ATG13: variants seen among roughly 807,000 people sequenced by gnomAD.
ATG13 encodes autophagy related 13.
In ATG13, 23 loss-of-function variants were observed where a neutral mutation model predicts 65.5. The observed-to-expected ratio is 0.35, with a 90% CI of 0.25 to 0.50. ATG13 has a LOEUF of 0.50. ATG13 is among the 20% of genes least tolerant of loss of function. The pLI is 0.98. For missense variants in ATG13, 566 were observed against 677.0 expected (o/e 0.84, Z 1.82); for synonymous variants, 252 against 245.2 (o/e 1.03, Z -0.26).
intron 2 of ATG13, among the ~76,000 whole-genome samples, chr11:46,639,365 T>C (rs2055100438): frequency 1.3e-5 from 2 of 152,152 alleles, no homozygotes; most frequent in Non-Finnish European, 2.9e-5. Flanking sequence ...CCAATTGTCA[T>C]AGTGGTTATT....
At chr11:46,638,130 G>A (rs2054622569) in intron 2 of ATG13, among the ~76,000 whole-genome samples, 2 of 152,194 alleles carry the variant, frequency 1.3e-5, no homozygotes, top group South Asian at 4.2e-4. Context: ...TCTTTGTGAT[G>A]AGAACATTTA....
rs536060221 is a variant in ATG13, at chr11:46,663,048, G to A, written c.790-949G>A. Among the ~76,000 whole-genome samples the A allele has an allele frequency of 1.2e-3, 189 of 152,104 alleles. 1 individual carries two copies. Among genetic ancestry groups the A allele is most frequent in the Admixed American group, 5.2e-4 (8 of 15,276 alleles). On this transcript the variant is annotated intron_variant, in intron 11 of 18. Coordinates refer to ENST00000683050, the MANE Select transcript of ATG13 (RefSeq NM_001346311.2). ...TGGGAGGCCGAGGTGGGCGGATCAC[G>A]AGGTCAGGAGATCGAGACCATCCTG...
chr11:46,650,097 C>A, intron 6 of ATG13, 80 bp from the exon 7 acceptor site: 1 of 1,488,026 alleles, frequency 6.7e-7, no homozygotes, highest in African/African-American at 1.4e-5. Context: ...TTAGTCAGAA[C>A]ATGTCTTAAT....
At chr11:46,647,367 T>G (rs2057896227) in intron 5 of ATG13, among the ~76,000 whole-genome samples, 1 of 145,826 alleles carries the variant, frequency 6.9e-6, no homozygotes, top group Non-Finnish European at 1.5e-5. Flanking sequence ...AACCTCCGCC[T>G]CCCAGGTTCA....
At chr11:46,663,939 C>G in intron 11 of ATG13, 58 bp from the exon 12 acceptor site, 1 of 1,183,742 alleles carries the variant, frequency 8.4e-7, no homozygotes, top group South Asian at 1.4e-5. Context: ...TTCTCAAGTC[C>G]CTTTTCTTTT....
chr11:46,656,912 C>CACACGT, intron 8 of ATG13, 183 bp from the exon 9 acceptor site: 2 of 593,592 alleles, frequency 3.4e-6, no homozygotes, highest in Non-Finnish European at 6.0e-6. Context: ...TATATATACA[C>CACACGT]ACACATACAC....
In ATG13 at chr11:46,672,947, A is replaced by C; in HGVS notation, c.*615A>C. ...AGATCAGAACTCCAAAACCACTCCC[A>C]CCCCTGAAGGTCGGGAGGGTCTGAG... is the stretch of plus-strand genomic sequence containing the variant. On this transcript the variant is annotated 3_prime_UTR_variant, in exon 19 of 19. Transcript: ENST00000683050. The C allele has an allele frequency of 7.2e-6, 4 of 553,346 alleles. No individual in the cohort carries two copies. Among genetic ancestry groups the C allele is most frequent in the South Asian group, 2.1e-5 (1 of 46,978 alleles). The allele number at this position is 553,346 out of a possible 1,614,324, so 34.3% of individuals were successfully genotyped here. A position where few individuals can be genotyped will look rare whatever the true frequency, so the allele number is the denominator to read the frequency against.
At chr11:46,665,282 T>G in intron 13 of ATG13, 101 bp from the exon 14 acceptor site, 1 of 1,437,800 alleles carries the variant, frequency 7.0e-7, no homozygotes, top group South Asian at 1.3e-5. Context: ...GCAGCGTTGG[T>G]GATGGAAAAG....
rs767387043 is a variant in ATG13, at chr11:46,645,911, A to G, written c.192A>G (p.Glu64=). The change falls in exon 5 of 19, where the codon GAA becomes GAG. Residue 64 remains glutamate, a synonymous_variant. Coordinates refer to ENST00000683050, the MANE Select transcript of ATG13 (RefSeq NM_001346311.2). ...AAGACATCCCAGAGGTTACACATGAAGCAAAGAAGGCACTGGCAGGACAGC... is the reference window on the plus strand; with the variant it reads ...AAGACATCCCAGAGGTTACACATGAGGCAAAGAAGGCACTGGCAGGACAGC... ...AIKDIPEVTH[E]AKKALAGQLP... 2.5e-6 allele frequency: 4 copies of G among 1,614,102 alleles called. No individual in the cohort carries two copies. In the African/African-American group the frequency reaches 5.3e-5, roughly 22 times the overall value.
chr11:46,633,002 A>AAAAAAT (rs2052396257), intron 2 of ATG13, among the ~76,000 whole-genome samples: 1 of 110,960 alleles, frequency 9.0e-6, no homozygotes, highest in African/African-American at 4.7e-5. Context: ...CATTAAAAAA[A>AAAAAAT]AATATATATA....
At chr11:46,642,232 T>C (rs1242210133) in intron 2 of ATG13, among the ~76,000 whole-genome samples, 1 of 151,974 alleles carries the variant, frequency 6.6e-6, no homozygotes, top group African/African-American at 2.4e-5. Flanking sequence ...AAAACTCTGC[T>C]ACTCCTTTGT....
At chr11:46,655,179 C>G (rs2059780101) in intron 7 of ATG13, among the ~76,000 whole-genome samples, 1 of 152,012 alleles carries the variant, frequency 6.6e-6, no homozygotes, top group Non-Finnish European at 1.5e-5. Flanking sequence ...ACGGGCGGAT[C>G]ACGAGATCAG....
At chr11:46,665,007 C>A in intron 13 of ATG13, 48 bp downstream of exon 13, 2 of 1,533,174 alleles carry the variant, frequency 1.3e-6, no homozygotes, top group Middle Eastern at 3.4e-4. Context: ...GCTGCCTCCC[C>A]TGCCCGGAGG....
chr11:46,642,620 A>G (rs1331527865), intron 2 of ATG13, among the ~76,000 whole-genome samples: 3 of 152,092 alleles, frequency 2.0e-5, no homozygotes, highest in Non-Finnish European at 2.9e-5. Flanking sequence ...CTTTTCCTTT[A>G]AAATATCACC....
chr11:46,631,456 C>A (rs1454871045), intron 2 of ATG13, among the ~76,000 whole-genome samples: 1 of 152,196 alleles, frequency 6.6e-6, no homozygotes, highest in Non-Finnish European at 1.5e-5. Flanking sequence ...TCATTATTAT[C>A]TTTTGCACTT....
In ATG13 at chr11:46,664,945, A is replaced by G. The variant is rs1219142087; in HGVS notation, c.985A>G (p.Thr329Ala). 1.2e-6 allele frequency: 2 copies of G among 1,613,524 alleles called. No homozygotes were observed. Among genetic ancestry groups the G allele is most frequent in the African/African-American group, 2.7e-5 (2 of 74,904 alleles). ...PVVFAAGLNA[T>A]HPHQLMVPGK... ...AGTGTTTGCTGCTGGCTTAAATGCT[A>G]CACACCCTCACCAGGTATCTTTAAA... The change falls in exon 13 of 19, where the codon ACA becomes GCA. Residue 329 changes from threonine (T) to alanine (A), a missense_variant. Physicochemically the swap from Thr to Ala is moderately conservative, Grantham distance 58. Transcript: ENST00000683050.
chr11:46,626,274 G>A (rs984030561), intron 1 of ATG13, among the ~76,000 whole-genome samples: 1 of 149,452 alleles, frequency 6.7e-6, no homozygotes, highest in African/African-American at 2.5e-5. Flanking sequence ...TTTTGAGACG[G>A]GAGTTTCACT....
chr11:46,668,444 G>C (rs2062894375), intron 15 of ATG13, 55 bp from the exon 16 acceptor site: 2 of 1,559,008 alleles, frequency 1.3e-6, no homozygotes, highest in African/African-American at 1.4e-5. Flanking sequence ...CAGGAAGGAA[G>C]CATGAACACT....
At chr11:46,658,406 C>G (rs1450622492) in intron 10 of ATG13, among the ~76,000 whole-genome samples, 1 of 152,166 alleles carries the variant, frequency 6.6e-6, no homozygotes, top group Non-Finnish European at 1.5e-5. Flanking sequence ...TAAGAAAATG[C>G]TCTCTCAGAC....
Sources: gnomAD v4.1 joint callset for allele counts (sites outside exome capture counted in the v4.1 genomes callset) on GRCh38, gnomAD v4.1.1 for gene constraint, MANE v1.5 for transcripts, NCBI Gene and HGNC (gene_info 2026-07-23, HGNC 2026-07-21) for gene names.